The following CLOCK variants were observed in gnomAD, a reference collection of about 807,000 sequenced individuals.
The protein encoded by CLOCK is circadian locomoter output cycles protein kaput.
In CLOCK, 43 loss-of-function variants were observed where a neutral mutation model predicts 118.4. That is an observed-to-expected ratio of 0.36 (90% CI 0.28 to 0.47). The LOEUF is 0.47. Among genes scored for constraint, CLOCK ranks in the 20% least tolerant of loss-of-function variants. CLOCK has a pLI of 1.00. For missense variants in CLOCK, 846 were observed against 999.9 expected, an observed-to-expected ratio of 0.85 and a Z score of 2.08; for synonymous variants, 326 against 339.2, an observed-to-expected ratio of 0.96 and a Z score of 0.43.
Position 55,442,456 on chromosome 4 carries a change from G to A in CLOCK, c.2081C>T (p.Thr694Ile), listed in dbSNP as rs867476546. The A allele has an allele frequency of 6.2e-7, 1 of 1,609,264 alleles. No homozygotes were observed. Residue 694 changes from threonine to isoleucine, a missense_variant, in exon 21 of 23, where the codon ACA (threonine) becomes ATA (isoleucine). By Grantham distance (89) the Thr-to-Ile change is moderately conservative. Transcript: ENST00000513440. ...CCTTATCTGCCTGTCCTGAGTGAATGTAGTTACTGCAGCACTCTGGGTGCT... is the reference window on the plus strand; with the variant it reads ...CCTTATCTGCCTGTCCTGAGTGAATATAGTTACTGCAGCACTCTGGGTGCT... ...QNSTQSAAVT[T>I]FTQDRQIRFS... is the part of the protein sequence containing the mutation.
In CLOCK at chr4:55,430,569, T is replaced by C. The variant is rs1171268481; in HGVS notation, c.*4846A>G. Reference sequence around the variant, plus strand: ...GACATTAAAATTAAAGACCAAATTATACTATTTTTTTCCTTTAACCAAAGT... The same window carrying C: ...GACATTAAAATTAAAGACCAAATTACACTATTTTTTTCCTTTAACCAAAGT... On this transcript the variant is annotated 3_prime_UTR_variant, in exon 23 of 23. Coordinates refer to ENST00000513440, the MANE Select transcript of CLOCK (RefSeq NM_004898.4). 2 of 152,242 alleles carry C rather than the reference T, an allele frequency of 1.3e-5. No individual in the cohort carries two copies. The highest frequency in any genetic ancestry group is 2.4e-5 in the African/African-American group (1 of 41,470). 9.4% of individuals were successfully genotyped at this position (152,242 alleles called of 1,614,324 possible). A position where few individuals can be genotyped will look rare whatever the true frequency, so the allele number is the denominator to read the frequency against.
chr4:55,448,132 A>T (rs1724034944), intron 18 of CLOCK, among the ~76,000 whole-genome samples: 1 of 152,156 alleles, frequency 6.6e-6, no homozygotes, highest in African/African-American at 2.4e-5. Flanking sequence ...CAACTTACAT[A>T]CTTTCAGCAC....
At chr4:55,465,620 G>C (rs552445872) in intron 8 of CLOCK, among the ~76,000 whole-genome samples, 1 of 152,138 alleles carries the variant, frequency 6.6e-6, no homozygotes. Context: ...GATTTTTCTG[G>C]AAGTCTGAAA....
At chr4:55,475,335 T>C (rs981001381) in intron 7 of CLOCK, among the ~76,000 whole-genome samples, 11 of 152,106 alleles carry the variant, frequency 7.2e-5, no homozygotes, top group Non-Finnish European at 1.3e-4. Flanking sequence ...CACTGATGAG[T>C]AAACAAAGTG....
intron 16 of CLOCK, among the ~76,000 whole-genome samples, chr4:55,449,805 C>A (rs1724257062): frequency 1.5e-5 from 2 of 134,012 alleles, no homozygotes; most frequent in African/African-American, 2.5e-5. Flanking sequence ...CACTTACTGG[C>A]CCTACAGTAA....
rs958940157 is a variant in CLOCK, at chr4:55,458,957, G to T, written c.727C>A (p.Pro243Thr). 6.2e-7 allele frequency: 1 copy of T among 1,613,868 alleles called. No homozygotes were observed. The highest frequency in any genetic ancestry group is 2.2e-5 in the East Asian group (1 of 44,828). ...FEGTIQRTHR[P>T]SYEDRVCFVA... ...AAACAAACTCTATCTTCATAAGATGGCCTATGTGTGCGTTGTATAGTTCCT... is the reference window on the plus strand; with the variant it reads ...AAACAAACTCTATCTTCATAAGATGTCCTATGTGTGCGTTGTATAGTTCCT... Residue 243 changes from proline to threonine, a missense_variant, in exon 11 of 23, where the codon CCA becomes ACA. By Grantham distance (38) the Pro-to-Thr change is conservative. This residue lies in a region of CLOCK where 246 missense variants were observed against 300.2 expected (regional missense o/e 0.82). Coordinates refer to ENST00000513440, the MANE Select transcript of CLOCK (RefSeq NM_004898.4).
rs758109979 is a variant in CLOCK at position 55,453,719 on chromosome 4, T to G, written c.1088A>C (p.Asn363Thr). 2 of 1,611,002 alleles carry G rather than the reference T, an allele frequency of 1.2e-6. No individual in the cohort carries two copies. Among genetic ancestry groups the G allele is most frequent in the Non-Finnish European group, 8.5e-7 (1 of 1,178,052 alleles). Residue 363 changes from asparagine to threonine, a missense_variant, in exon 14 of 23, where the codon AAT becomes ACT. By Grantham distance (65) the Asn-to-Thr change is moderately conservative. Coordinates refer to ENST00000513440, the MANE Select transcript of CLOCK (RefSeq NM_004898.4). ...ACAAACAATAAACTCTGGCCTTGAA[T>G]TCCACTGATGGTAAGTGATATAATA... ...THYYITYHQW[N>T]SRPEFIVCTH...
chr4:55,487,734 T>C (rs1001052624), intron 3 of CLOCK, among the ~76,000 whole-genome samples: 2 of 152,188 alleles, frequency 1.3e-5, no homozygotes, highest in Non-Finnish European at 2.9e-5. Flanking sequence ...ATCACTCCTA[T>C]TTCCAGAAAT....
chr4:55,448,659 T>A, intron 18 of CLOCK, 120 bp downstream of exon 18: 34 of 536,738 alleles, frequency 6.3e-5, no homozygotes, highest in Non-Finnish European at 8.1e-5. Context: ...TACCTCAGCC[T>A]CCCAAGTAGC....
intron 2 of CLOCK, chr4:55,501,548 G>C (rs1244892112): frequency 6.6e-6 from 1 of 151,870 alleles, no homozygotes; most frequent in African/African-American, 2.4e-5. Context: ...CTCCCAAGGA[G>C]CTGGGACTAC....
At chr4:55,501,565 G>A (rs1728448923) in intron 2 of CLOCK, 1 of 152,096 alleles carries the variant, frequency 6.6e-6, no homozygotes, top group Non-Finnish European at 1.5e-5. Flanking sequence ...CTACATGCAT[G>A]AGCCACCATG....
At chr4:55,435,718 T>C (rs1388400967) in intron 22 of CLOCK, 124 bp from the exon 23 acceptor site, 14 of 951,686 alleles carry the variant, frequency 1.5e-5, no homozygotes, top group Non-Finnish European at 1.8e-5. Flanking sequence ...TGCATATCAC[T>C]TTCACTCTCT....
At chr4:55,544,940 A>T (rs1280730162) in intron 1 of CLOCK, among the ~76,000 whole-genome samples, 1 of 152,084 alleles carries the variant, frequency 6.6e-6, no homozygotes, top group Non-Finnish European at 1.5e-5. Context: ...TTCACTTCAT[A>T]GCAAATTTTT....
chr4:55,544,533 CTTAAAAA>C (rs1387191202), intron 1 of CLOCK, among the ~76,000 whole-genome samples: 46 of 152,320 alleles, frequency 3.0e-4, no homozygotes, highest in African/African-American at 1.1e-3. Context: ...CCTCTGCAAT[CTTAAAAA>C]TTAAAGTGTA....
chr4:55,462,467 T>C (rs1007821552), intron 9 of CLOCK, among the ~76,000 whole-genome samples: 1 of 152,130 alleles, frequency 6.6e-6, no homozygotes, highest in Non-Finnish European at 1.5e-5. Context: ...TTGGTAGAGA[T>C]GGGGTTTCGC....
intron 1 of CLOCK, among the ~76,000 whole-genome samples, chr4:55,510,769 T>C (rs974081671): frequency 4.6e-5 from 7 of 151,734 alleles, no homozygotes; most frequent in African/African-American, 1.2e-4. Context: ...TGTGTTCAAA[T>C]GGCTAGGTGT....
At chr4:55,472,058 G>A (rs1313763177) in intron 7 of CLOCK, among the ~76,000 whole-genome samples, 2 of 152,064 alleles carry the variant, frequency 1.3e-5, no homozygotes, top group Non-Finnish European at 2.9e-5. Context: ...GCAACAGAGT[G>A]AGACCCTGTC....
chr4:55,443,202 G>A (rs970290317), intron 20 of CLOCK, among the ~76,000 whole-genome samples: 16 of 152,042 alleles, frequency 1.1e-4, no homozygotes, highest in South Asian at 2.1e-4. Context: ...TCAGCCAGGC[G>A]CAGTGGCTCA....
intron 15 of CLOCK, among the ~76,000 whole-genome samples, chr4:55,450,965 T>G (rs1478489913): frequency 6.6e-6 from 1 of 151,878 alleles, no homozygotes; most frequent in African/African-American, 2.4e-5. Context: ...CACTAATCTT[T>G]CCCTTCACCA....
Sources: gnomAD v4.1 joint callset for allele counts (sites outside exome capture counted in the v4.1 genomes callset) on GRCh38, gnomAD v4.1.1 for gene constraint, gnomAD v4.1.1 regional missense constraint, MANE v1.5 for transcripts, NCBI Gene and HGNC (gene_info 2026-07-23, HGNC 2026-07-21) for gene names.